Variants in ENOX2 observed in about 807,000 individuals in gnomAD.
ENOX2 encodes APK1 antigen.
A neutral mutation model predicts 45.0 loss-of-function variants in ENOX2; 36 were observed. The observed-to-expected ratio is 0.80, with a 90% CI of 0.61 to 1.06. The LOEUF is 1.06. Ranked by LOEUF, ENOX2 falls within the 50% of genes least tolerant of loss-of-function variation. The pLI, the probability that ENOX2 is intolerant of heterozygous loss-of-function variation, is 0.00. For synonymous variants in ENOX2, 174 were observed against 152.3 expected, an observed-to-expected ratio of 1.14 and a Z score of -1.05; for missense variants, 423 against 462.5, an observed-to-expected ratio of 0.91 and a Z score of 0.78.
chrX:130,864,785 G>A (rs1264231690), intron 2 of ENOX2, among the ~76,000 whole-genome samples: 8 of 112,014 alleles, frequency 7.1e-5, no homozygotes, highest in Admixed American at 6.6e-4. Context: ...AGGCCAAGGT[G>A]GGTGGATCAC....
chrX:130,662,664 T>C (rs761550656), intron 9 of ENOX2, among the ~76,000 whole-genome samples: 13 of 110,771 alleles, frequency 1.2e-4, no homozygotes, highest in Non-Finnish European at 2.3e-4. Context: ...TGCTATCAAG[T>C]AAAAGTTTGC....
intron 3 of ENOX2, among the ~76,000 whole-genome samples, chrX:130,724,775 A>AG (rs2038566477): frequency 8.9e-6 from 1 of 112,077 alleles, no homozygotes; most frequent in Admixed American, 9.4e-5. Flanking sequence ...TGTCTTAGCC[A>AG]GGGGTCAATC....
intron 2 of ENOX2, among the ~76,000 whole-genome samples, chrX:130,832,830 G>A (rs778973237): frequency 9.0e-6 from 1 of 110,852 alleles, no homozygotes; most frequent in South Asian, 3.8e-4. Context: ...AAGCATATCT[G>A]CCTTCACACA....
chrX:130,806,370 A>G (rs2077300303), intron 2 of ENOX2, among the ~76,000 whole-genome samples: 1 of 112,648 alleles, frequency 8.9e-6, no homozygotes, highest in South Asian at 3.7e-4. Flanking sequence ...ATGTACTAGC[A>G]GAAGTAATTA....
intron 2 of ENOX2, among the ~76,000 whole-genome samples, chrX:130,837,937 T>C (rs1301585521): frequency 8.9e-6 from 1 of 111,924 alleles, no homozygotes; most frequent in African/African-American, 3.3e-5. Context: ...CACATATCAA[T>C]CTTCAATCCT....
chrX:130,660,963 C>T (rs748260497), intron 9 of ENOX2, among the ~76,000 whole-genome samples: 14 of 111,776 alleles, frequency 1.3e-4, no homozygotes, highest in African/African-American at 2.3e-4. Flanking sequence ...AAACTGAAAT[C>T]GGAGACAGGA....
At chrX:130,790,198 C>T (rs1182023530) in intron 2 of ENOX2, among the ~76,000 whole-genome samples, 1 of 112,450 alleles carries the variant, frequency 8.9e-6, no homozygotes, top group Non-Finnish European at 1.9e-5. Context: ...ACGGAAAAGT[C>T]CTTTTCGGAA....
At chrX:130,790,079 G>A (rs758641272) in intron 2 of ENOX2, among the ~76,000 whole-genome samples, 52 of 112,973 alleles carry the variant, frequency 4.6e-4, no homozygotes, top group African/African-American at 1.3e-3. Context: ...AACCTACTTT[G>A]TCAATTTCAT....
intron 14 of ENOX2, 73 bp from the exon 15 acceptor site, chrX:130,625,518 C>T: frequency 9.5e-7 from 1 of 1,054,386 alleles, no homozygotes; most frequent in Non-Finnish European, 1.3e-6. Flanking sequence ...GTGTTGCCTA[C>T]TTTAGAATGC....
intron 10 of ENOX2, among the ~76,000 whole-genome samples, chrX:130,649,244 C>A (rs1271979653): frequency 9.4e-6 from 1 of 106,544 alleles, no homozygotes; most frequent in Non-Finnish European, 1.9e-5. Context: ...TCAAATAAAC[C>A]TTTTTTCTTT....
intron 3 of ENOX2, among the ~76,000 whole-genome samples, chrX:130,750,861 TTG>T (rs1250779210): frequency 9.0e-6 from 1 of 111,606 alleles, no homozygotes; most frequent in African/African-American, 3.3e-5. Flanking sequence ...TTCTGTCTCT[TTG>T]TCTCCCTGTC....
chrX:130,810,130 G>A (rs1188356211), intron 2 of ENOX2, among the ~76,000 whole-genome samples: 1 of 110,366 alleles, frequency 9.1e-6, no homozygotes, highest in Admixed American at 9.6e-5. Context: ...CCTCTGCTTG[G>A]TAGAAGAGGA....
chrX:130,809,415 G>A (rs1473459091), intron 2 of ENOX2, among the ~76,000 whole-genome samples: 1 of 112,054 alleles, frequency 8.9e-6, no homozygotes, highest in African/African-American at 3.2e-5. Context: ...CAAATTTGGT[G>A]TCACTACTAT....
chrX:130,839,471 G>C (rs1480109504), intron 2 of ENOX2, among the ~76,000 whole-genome samples: 2 of 111,706 alleles, frequency 1.8e-5, no homozygotes. Context: ...TTTAAATCAG[G>C]TTATTGCTGA....
At chrX:130,799,873 A>AC (rs1025194233) in intron 2 of ENOX2, among the ~76,000 whole-genome samples, 13 of 109,682 alleles carry the variant, frequency 1.2e-4, no homozygotes, top group South Asian at 8.0e-4. Flanking sequence ...CAGTTAAGGC[A>AC]CCCCCCCAAA....
chrX:130,685,432 T>C (rs1603305760), intron 5 of ENOX2, among the ~76,000 whole-genome samples: 1 of 111,909 alleles, frequency 8.9e-6, no homozygotes, highest in East Asian at 2.8e-4. Context: ...CTGTTCAGAA[T>C]AGACTGTAGG....
At chrX:130,686,979 T>C (rs2037465318) in intron 5 of ENOX2, among the ~76,000 whole-genome samples, 1 of 111,751 alleles carries the variant, frequency 8.9e-6, no homozygotes, top group South Asian at 3.9e-4. Context: ...GGGGGAGATA[T>C]GCTGCCCTCT....
At chrX:130,687,918 A>G (rs929210449) in intron 5 of ENOX2, among the ~76,000 whole-genome samples, 1 of 112,202 alleles carries the variant, frequency 8.9e-6, no homozygotes, top group African/African-American at 3.2e-5. Flanking sequence ...TATTAAAGGT[A>G]GGAGATGAAA....
rs1163228061 is a variant in ENOX2 at position 130,631,922 on chromosome X, C to T, written c.1420-346G>A. Among the ~76,000 whole-genome samples, 4 of 108,823 alleles carry T rather than the reference C, an allele frequency of 3.7e-5. No individual in the cohort carries two copies. The South Asian group carries it at 1.7e-3, about 45-fold the overall frequency. The allele number at this position is 108,823 out of a possible 115,157, so 94.5% of individuals were successfully genotyped here. Reference sequence around the variant, plus strand: ...AGGCACTGTTAGGTAAGTATTATCTCCATTCTACAGATGAGGAAAGTGAGG... The same window carrying T: ...AGGCACTGTTAGGTAAGTATTATCTTCATTCTACAGATGAGGAAAGTGAGG... On this transcript the variant is annotated intron_variant, in intron 12 of 14. Transcript: ENST00000394363.
Sources: allele counts gnomAD v4.1 joint callset (sites outside exome capture counted in the v4.1 genomes callset), GRCh38; gene constraint gnomAD v4.1.1; transcripts MANE v1.5; gene names NCBI Gene and HGNC (gene_info 2026-07-23, HGNC 2026-07-21).